CIT: variants seen among roughly 807,000 people sequenced by gnomAD.
The protein encoded by CIT is citron rho-interacting serine/threonine kinase, also known as citron Rho-interacting kinase.
A neutral mutation model predicts 272.7 loss-of-function variants in CIT; 79 were observed. That is an observed-to-expected ratio of 0.29 (90% CI 0.24 to 0.35). CIT has a LOEUF of 0.35. Ranked by LOEUF, CIT falls within the 10% of genes least tolerant of loss-of-function variation. CIT has a pLI of 1.00. For missense variants in CIT, 1,909 were observed against 2,618.3 expected (o/e 0.73, Z 5.91); for synonymous variants, 948 against 995.6 (o/e 0.95, Z 0.90).
intron 7 of CIT, among the ~76,000 whole-genome samples, chr12:119,828,429 T>C (rs1256884334): frequency 2.6e-5 from 4 of 152,118 alleles, no homozygotes; most frequent in Non-Finnish European, 4.4e-5. Flanking sequence ...ATTATGATTT[T>C]GCAATATGCT....
chr12:119,688,848 CA>C (rs1467393819), intron 47 of CIT, among the ~76,000 whole-genome samples: 1 of 152,126 alleles, frequency 6.6e-6, no homozygotes, highest in Admixed American at 6.5e-5. Flanking sequence ...TGTAGCCTTC[CA>C]GAAAAACAAT....
At chr12:119,807,458 A>G (rs1312076552) in intron 9 of CIT, among the ~76,000 whole-genome samples, 1 of 151,600 alleles carries the variant, frequency 6.6e-6, no homozygotes, top group Non-Finnish European at 1.5e-5. Context: ...TTTGATCCTT[A>G]CAAAATGTGA....
At chr12:119,743,892 T>C (rs1487753881) in intron 23 of CIT, among the ~76,000 whole-genome samples, 1 of 152,196 alleles carries the variant, frequency 6.6e-6, no homozygotes, top group Non-Finnish European at 1.5e-5. Flanking sequence ...CCCAAGATGA[T>C]GACAGGGACC....
intron 13 of CIT, among the ~76,000 whole-genome samples, chr12:119,779,638 G>C (rs114434727): frequency 6.6e-6 from 1 of 152,020 alleles, no homozygotes; most frequent in Non-Finnish European, 1.5e-5. Flanking sequence ...AATTTATGTC[G>C]GCGAGAAGGG....
intron 19 of CIT, 83 bp downstream of exon 19, chr12:119,766,996 CAGCAAGAA>C: frequency 1.2e-6 from 1 of 835,624 alleles, no homozygotes; most frequent in Non-Finnish European, 1.8e-6. Flanking sequence ...TACTTTGGTC[CAGCAAGAA>C]ATGGCCACAA....
At chr12:119,811,599 G>A (rs1966848217) in intron 9 of CIT, among the ~76,000 whole-genome samples, 1 of 152,198 alleles carries the variant, frequency 6.6e-6, no homozygotes, top group Admixed American at 6.5e-5. Context: ...ATGGAGATGT[G>A]AGCTCTAGCT....
intron 32 of CIT, among the ~76,000 whole-genome samples, chr12:119,716,378 C>CAAAAAA (rs35690078): frequency 5.6e-5 from 1 of 17,804 alleles, no homozygotes; most frequent in African/African-American, 2.0e-4. Context: ...GACTCTGTCT[C>CAAAAAA]AAAAAAAAAA....
At chr12:119,740,724 C>T (rs373016256) in intron 24 of CIT, among the ~76,000 whole-genome samples, 10 of 152,038 alleles carry the variant, frequency 6.6e-5, no homozygotes, top group African/African-American at 1.9e-4. Flanking sequence ...ATCATTCACG[C>T]GCATGTATGT....
chr12:119,831,549 T>C (rs545352828), intron 7 of CIT, among the ~76,000 whole-genome samples: 2 of 152,154 alleles, frequency 1.3e-5, no homozygotes, highest in African/African-American at 2.4e-5. Flanking sequence ...ATCAACCTAA[T>C]AATATCCACT....
At chr12:119,706,032 G>T (rs1956861678) in intron 40 of CIT, among the ~76,000 whole-genome samples, 1 of 151,298 alleles carries the variant, frequency 6.6e-6, no homozygotes, top group Non-Finnish European at 1.5e-5. Flanking sequence ...AGAGGCTACA[G>T]TGAGCCAAGA....
intron 2 of CIT, among the ~76,000 whole-genome samples, chr12:119,872,194 C>A (rs984618735): frequency 6.6e-6 from 1 of 151,972 alleles, no homozygotes; most frequent in African/African-American, 2.4e-5. Flanking sequence ...AATACAAGGG[C>A]CAGAAAATAA....
chr12:119,845,630 G>GCAA (rs1250751767), intron 5 of CIT, among the ~76,000 whole-genome samples: 6 of 146,618 alleles, frequency 4.1e-5, no homozygotes, highest in Non-Finnish European at 8.9e-5. Flanking sequence ...TCCAGCCTGG[G>GCAA]CAACAGAGCA....
rs1191785729 is a variant in CIT at position 119,687,829 on chromosome 12, GA to G, written c.*402del. ...AAAAAAAAAAGGAAAGAAACAAAGAGAAAAAAAAAAGAAAAACCAACCAATC... is the reference window on the plus strand; with the variant it reads ...AAAAAAAAAAGGAAAGAAACAAAGAGAAAAAAAAAGAAAAACCAACCAATC... On this transcript the variant is annotated 3_prime_UTR_variant, in exon 48 of 48. Transcript: ENST00000392521. 3.7e-4 allele frequency: 60 copies of G among 161,914 alleles called. No homozygotes were observed. Among genetic ancestry groups the G allele is most frequent in the South Asian group, 4.4e-4 (2 of 4,550 alleles). The allele number at this position is 161,914 out of a possible 1,614,324, so 10.0% of individuals were successfully genotyped here. A position where few individuals can be genotyped will look rare whatever the true frequency, so the allele number is the denominator to read the frequency against.
intron 24 of CIT, among the ~76,000 whole-genome samples, chr12:119,736,321 C>T (rs1593530009): frequency 6.7e-6 from 1 of 148,860 alleles, no homozygotes; most frequent in African/African-American, 2.4e-5. Flanking sequence ...GAGTCGATTT[C>T]GTTTATGAAA....
At chr12:119,751,370 A>T (rs1593593300) in intron 23 of CIT, among the ~76,000 whole-genome samples, 1 of 50,568 alleles carries the variant, frequency 2.0e-5, no homozygotes, top group East Asian at 2.8e-4. Context: ...ATGTGGGGAA[A>T]ATGGCCCCAC....
chr12:119,691,032 C>T lies in CIT; in HGVS notation c.5883-578G>A, dbSNP rs1955916551. Among the ~76,000 whole-genome samples, 3 of 152,010 alleles carry T rather than the reference C, an allele frequency of 2.0e-5. No homozygotes were observed. In the South Asian group the frequency reaches 6.2e-4, roughly 31 times the overall value. ...ACTAAAAATACAAAAATTAGCCGGG[C>T]GTGTTGGCGTGTGCCTGTAGTCCCA... On this transcript the variant is annotated intron_variant, in intron 46 of 47. Transcript: ENST00000392521.
intron 9 of CIT, among the ~76,000 whole-genome samples, chr12:119,816,660 G>C (rs1331206956): frequency 1.3e-5 from 2 of 152,200 alleles, no homozygotes; most frequent in African/African-American, 4.8e-5. Flanking sequence ...ACCACACTCT[G>C]AGTAGCAAGG....
intron 6 of CIT, among the ~76,000 whole-genome samples, 162 bp from the exon 7 acceptor site, chr12:119,833,026 A>T (rs1968752976): frequency 1.3e-5 from 2 of 152,100 alleles, no homozygotes; most frequent in Admixed American, 1.3e-4. Flanking sequence ...TTGCAAAATG[A>T]ATTTAACCGA....
chr12:119,790,485 T>C (rs892134869), intron 10 of CIT, among the ~76,000 whole-genome samples: 1 of 152,120 alleles, frequency 6.6e-6, no homozygotes, highest in African/African-American at 2.4e-5. Flanking sequence ...TATCTGTTCA[T>C]TAAAATGCCT....
Sources: allele counts gnomAD v4.1 joint callset (sites outside exome capture counted in the v4.1 genomes callset), GRCh38; gene constraint gnomAD v4.1.1; transcripts MANE v1.5; gene names NCBI Gene and HGNC (gene_info 2026-07-23, HGNC 2026-07-21).